EPS15L1: variants seen among roughly 807,000 people sequenced by gnomAD.
EPS15L1 encodes the protein epidermal growth factor receptor pathway substrate 15 like 1, also known as epidermal growth factor receptor substrate 15-like 1.
EPS15L1 carries 43 observed loss-of-function variants against 117.1 expected under a neutral mutation model. That is an observed-to-expected ratio of 0.37 (90% CI 0.29 to 0.47). EPS15L1 has a LOEUF of 0.47. Ranked by LOEUF, EPS15L1 falls within the 20% of genes least tolerant of loss-of-function variation. The pLI is 0.99. For missense variants in EPS15L1, 981 were observed against 1,164.0 expected (o/e 0.84, Z 2.29); for synonymous variants, 459 against 470.5 (o/e 0.98, Z 0.32).
chr19:16,376,165 C>T (rs1369829752), intron 22 of EPS15L1, among the ~76,000 whole-genome samples: 1 of 152,120 alleles, frequency 6.6e-6, no homozygotes, highest in Non-Finnish European at 1.5e-5. Flanking sequence ...CCTGGGAGTG[C>T]GTGGGTCTCC....
chr19:16,375,982 G>T (rs539324605), intron 22 of EPS15L1, among the ~76,000 whole-genome samples: 3 of 152,352 alleles, frequency 2.0e-5, no homozygotes, highest in Admixed American at 2.0e-4. Context: ...GAGCCTGCTA[G>T]GTCCATTCCA....
At chr19:16,369,676 A>T (rs1002211023) in intron 22 of EPS15L1, among the ~76,000 whole-genome samples, 152 of 146,138 alleles carry the variant, frequency 1.0e-3, no homozygotes, top group African/African-American at 3.6e-3. Flanking sequence ...AAGAAAAAAA[A>T]GTGTGTGTGT....
In EPS15L1 at chr19:16,400,059, G is replaced by A. The variant is rs1471050402; in HGVS notation, c.1791+2262C>T. Among the ~76,000 whole-genome samples the A allele has an allele frequency of 8.5e-5, 13 of 152,212 alleles. 1 individual carries two copies. In the South Asian group the frequency reaches 1.7e-3, roughly 19 times the overall value. ...TGGCTTTAAGAACCCTGACTTTGGC[G>A]GGTGAGGTGGCTCACGCCTGTAATC... On this transcript the variant is annotated intron_variant, in intron 16 of 23. Coordinates refer to ENST00000455140, the MANE Select transcript of EPS15L1 (RefSeq NM_001258374.3).
intron 13 of EPS15L1, among the ~76,000 whole-genome samples, chr19:16,407,726 C>G (rs2144859730): frequency 6.6e-6 from 1 of 152,250 alleles, no homozygotes; most frequent in Middle Eastern, 3.4e-3. Flanking sequence ...TAATTTTTTG[C>G]ACATAGTTTC....
chr19:16,452,071 G>T (rs148245403), intron 1 of EPS15L1, among the ~76,000 whole-genome samples: 10 of 151,106 alleles, frequency 6.6e-5, no homozygotes, highest in Non-Finnish European at 1.3e-4. Flanking sequence ...CCCAGGAGGC[G>T]TAGGTTGCAG....
At position 16,432,587 on chromosome 19, in the gene EPS15L1, T is replaced by TAAATAAATAAATTACAAATACAAATAC. The variant is rs1555761368; in HGVS notation, c.498+1777_498+1778insGTATTTGTATTTGTAATTTATTTATTT. Among the ~76,000 whole-genome samples the TAAATAAATAAATTACAAATACAAATAC allele has an allele frequency of 1.0e-3, 147 of 145,480 alleles. 2 individuals are homozygous for TAAATAAATAAATTACAAATACAAATAC. The highest frequency in any genetic ancestry group is 7.8e-3 in the South Asian group (35 of 4,508). On this transcript the variant is annotated intron_variant, in intron 7 of 23. Coordinates refer to ENST00000455140, the MANE Select transcript of EPS15L1 (RefSeq NM_001258374.3). ...TGTCTCAAATAAATAAATAAATAAA[T>TAAATAAATAAATTACAAATACAAATAC]AAATACAAATACAAATACAAATACA...
chr19:16,385,617 G>A (rs2092412223), intron 20 of EPS15L1, among the ~76,000 whole-genome samples: 1 of 152,182 alleles, frequency 6.6e-6, no homozygotes, highest in Non-Finnish European at 1.5e-5. Flanking sequence ...TAACCTGGAA[G>A]GGATTTGCCT....
chr19:16,446,736 T>C (rs913858050), intron 1 of EPS15L1, among the ~76,000 whole-genome samples: 4 of 152,140 alleles, frequency 2.6e-5, no homozygotes, highest in Admixed American at 6.5e-5. Flanking sequence ...GCCTCATGCA[T>C]ATGCTGGCCT....
At chr19:16,470,446 G>A (rs1473469709) in intron 1 of EPS15L1, among the ~76,000 whole-genome samples, 6 of 151,986 alleles carry the variant, frequency 3.9e-5, no homozygotes, top group African/African-American at 1.4e-4. Context: ...AACTGGGAGT[G>A]CTTAGTGCTT....
intron 17 of EPS15L1, 117 bp downstream of exon 17, chr19:16,395,227 C>A: frequency 2.4e-5 from 23 of 947,868 alleles, no homozygotes; most frequent in Non-Finnish European, 3.2e-5. Context: ...AAAGGCATTC[C>A]TTTCCCCCTC....
At chr19:16,399,697 T>A (rs1568418119) in intron 16 of EPS15L1, among the ~76,000 whole-genome samples, 4 of 151,332 alleles carry the variant, frequency 2.6e-5, no homozygotes, top group Non-Finnish European at 5.9e-5. Flanking sequence ...TTTTTTTTTT[T>A]AGAGATTGAG....
intron 1 of EPS15L1, among the ~76,000 whole-genome samples, chr19:16,465,371 G>A (rs1274100217): frequency 6.6e-6 from 1 of 152,160 alleles, no homozygotes; most frequent in Non-Finnish European, 1.5e-5. Flanking sequence ...CACTCTGGCA[G>A]GGAAACCTTT....
At chr19:16,442,094 C>A (rs1356563425) in intron 2 of EPS15L1, 84 bp downstream of exon 2, 3 of 1,492,322 alleles carry the variant, frequency 2.0e-6, no homozygotes, top group African/African-American at 1.4e-5. Flanking sequence ...GACAAAAGGC[C>A]GCTCAGCCGG....
In EPS15L1 at chr19:16,395,379, T is replaced by G; in HGVS notation, c.1880A>C (p.Lys627Thr). Residue 627 changes from lysine to threonine, a missense_variant, in exon 17 of 24, where the codon AAA (lysine) becomes ACA (threonine). Lys to Thr is a moderately conservative substitution (Grantham distance 78). Coordinates refer to ENST00000455140, the MANE Select transcript of EPS15L1 (RefSeq NM_001258374.3). ...PDPFQTEDPFKSDPFKGADPF... is the reference protein window; with the variant it reads ...PDPFQTEDPFTSDPFKGADPF... Reference sequence around the variant, plus strand: ...GTCAGCTCCTTTAAATGGGTCAGATTTGAAGGGGTCTTCTGTCTGGAAAGG... The same window carrying G: ...GTCAGCTCCTTTAAATGGGTCAGATGTGAAGGGGTCTTCTGTCTGGAAAGG... The G allele has an allele frequency of 6.2e-7, 1 of 1,614,084 alleles. No individual in the cohort carries two copies. Among genetic ancestry groups the G allele is most frequent in the African/African-American group, 1.3e-5 (1 of 75,040 alleles).
At chr19:16,448,744 T>C (rs2145115717) in intron 1 of EPS15L1, among the ~76,000 whole-genome samples, 1 of 151,780 alleles carries the variant, frequency 6.6e-6, no homozygotes, top group African/African-American at 2.4e-5. Context: ...CCAGGAGAAC[T>C]GCTTGAACCC....
At chr19:16,442,272 A>G in intron 1 of EPS15L1, 53 bp from the exon 2 acceptor site, 3 of 1,525,334 alleles carry the variant, frequency 2.0e-6, no homozygotes, top group Non-Finnish European at 2.7e-6. Context: ...CCCTTGGGGA[A>G]AAAAAGGGTT....
At chr19:16,423,777 C>A (rs867085724) in intron 9 of EPS15L1, among the ~76,000 whole-genome samples, 3 of 152,116 alleles carry the variant, frequency 2.0e-5, no homozygotes, top group Middle Eastern at 3.2e-3. Flanking sequence ...AGCAAGCTAA[C>A]CTCAGAAGCC....
intron 19 of EPS15L1, among the ~76,000 whole-genome samples, chr19:16,389,671 C>T (rs1270399602): frequency 6.6e-6 from 1 of 152,122 alleles, no homozygotes; most frequent in Non-Finnish European, 1.5e-5. Context: ...AAAATTGTAA[C>T]AGTCTTATGG....
intron 1 of EPS15L1, among the ~76,000 whole-genome samples, chr19:16,457,050 G>A (rs1042559338): frequency 6.6e-6 from 1 of 152,162 alleles, no homozygotes; most frequent in African/African-American, 2.4e-5. Flanking sequence ...GGGCTGGAAG[G>A]AAGTGATCAG....
Sources: gnomAD v4.1 joint callset for allele counts (sites outside exome capture counted in the v4.1 genomes callset) on GRCh38, gnomAD v4.1.1 for gene constraint, MANE v1.5 for transcripts, NCBI Gene and HGNC (gene_info 2026-07-23, HGNC 2026-07-21) for gene names.